CR2: variants seen among roughly 807,000 people sequenced by gnomAD.
CR2 encodes complement receptor type 2.
A neutral mutation model predicts 123.0 loss-of-function variants in CR2; 96 were observed. That is an observed-to-expected ratio of 0.78 (90% CI 0.66 to 0.93). The LOEUF is 0.93. Among genes scored for constraint, CR2 ranks in the 40% least tolerant of loss-of-function variants. The probability of loss-of-function intolerance (pLI) is 0.00; values close to 1 mark genes in which losing one functional copy is unlikely to be tolerated. For missense variants in CR2, 1,258 were observed against 1,361.0 expected (o/e 0.92, Z 1.19); for synonymous variants, 484 against 469.5 (o/e 1.03, Z -0.40).
chr1:207,463,056 T>C (rs1658004982), intron 1 of CR2, among the ~76,000 whole-genome samples: 1 of 152,170 alleles, frequency 6.6e-6, no homozygotes, highest in East Asian at 1.9e-4. Context: ...AGATTTAATA[T>C]AAAACACAAA....
intron 1 of CR2, among the ~76,000 whole-genome samples, chr1:207,459,323 T>TG (rs1055433245): frequency 2.1e-5 from 3 of 143,478 alleles, no homozygotes; most frequent in Non-Finnish European, 3.0e-5. Flanking sequence ...TTTTTGTTGT[T>TG]TTTTTTTTTA....
At chr1:207,481,814 T>C (rs1299783301) in intron 18 of CR2, among the ~76,000 whole-genome samples, 2 of 152,080 alleles carry the variant, frequency 1.3e-5, no homozygotes, top group African/African-American at 2.4e-5. Context: ...TTATAAGTAA[T>C]TGCAAATGAT....
intron 10 of CR2, 22 bp from the exon 11 acceptor site, chr1:207,473,523 T>C: frequency 6.2e-7 from 1 of 1,608,342 alleles, no homozygotes; most frequent in Non-Finnish European, 8.5e-7. Context: ...TTGGTATTTA[T>C]GTAGGGAGTT....
At chr1:207,469,116 C>A in intron 4 of CR2, 34 bp from the exon 5 acceptor site, 1 of 1,583,394 alleles carries the variant, frequency 6.3e-7, no homozygotes, top group South Asian at 1.1e-5. Flanking sequence ...CACAAACTGC[C>A]TAATAGTTCT....
intron 15 of CR2, among the ~76,000 whole-genome samples, 162 bp downstream of exon 15, chr1:207,476,581 TAAGAA>T (rs532096460): frequency 1.3e-5 from 2 of 152,258 alleles, no homozygotes; most frequent in Non-Finnish European, 2.9e-5. Context: ...TATCTCAAAA[TAAGAA>T]AAAATGTCTC....
intron 1 of CR2, among the ~76,000 whole-genome samples, chr1:207,465,675 G>A (rs1378630821): frequency 6.6e-6 from 1 of 152,158 alleles, no homozygotes; most frequent in Non-Finnish European, 1.5e-5. Flanking sequence ...GGAGCCAAAG[G>A]GAAGTTAACT....
intron 10 of CR2, 132 bp downstream of exon 10, chr1:207,473,311 A>G: frequency 8.5e-7 from 1 of 1,173,548 alleles, no homozygotes; most frequent in Non-Finnish European, 1.2e-6. Flanking sequence ...CCATCCTATA[A>G]TAGATGTTCT....
intron 1 of CR2, among the ~76,000 whole-genome samples, chr1:207,456,459 C>G (rs1657837813): frequency 6.6e-6 from 1 of 152,240 alleles, no homozygotes; most frequent in Non-Finnish European, 1.5e-5. Context: ...TTAACAATCA[C>G]TCTAGAAGAT....
At chr1:207,467,066 C>T (rs568585860) in intron 2 of CR2, among the ~76,000 whole-genome samples, 154 bp downstream of exon 2, 99 of 152,204 alleles carry the variant, frequency 6.5e-4, no homozygotes, top group Middle Eastern at 3.4e-3. Flanking sequence ...ATGGCTTCTT[C>T]GTGGAGGCAT....
At position 207,476,331 on chromosome 1, in the gene CR2, C is replaced by A. The variant is rs1211246704; in HGVS notation, c.2814C>A (p.Ser938Arg). The A allele has an allele frequency of 1.2e-6, 2 of 1,614,016 alleles. No individual in the cohort carries two copies. Among genetic ancestry groups the A allele is most frequent in the Non-Finnish European group, 1.7e-6 (2 of 1,179,914 alleles). The change falls in exon 15 of 20, where the codon AGC (serine) becomes AGA (arginine). Residue 938 changes from serine to arginine, a missense_variant. Coordinates refer to ENST00000367057, the MANE Select transcript of CR2 (RefSeq NM_001006658.3). ...RFSPGMSILYSCDQGYLLVGE... is the reference protein window; with the variant it reads ...RFSPGMSILYRCDQGYLLVGE... The stretch of plus-strand genomic sequence containing the variant: ...CTCCTGGAATGTCAATCCTGTACAG[C>A]TGTGACCAAGGCTACCTGCTGGTGG...
In CR2 at chr1:207,471,510, A is replaced by G. The variant is rs1658280137; in HGVS notation, c.1570+11A>G. On this transcript the variant is annotated intron_variant, in intron 9 of 19. Transcript: ENST00000367057. ...TTCGTCTTTGTAAAGGTGAGTAGCA[A>G]AAATGATATAGGAGCTGAAATAATG... The G allele has an allele frequency of 6.4e-7, 1 of 1,572,324 alleles. No homozygotes were observed. Among genetic ancestry groups the G allele is most frequent in the African/African-American group, 1.4e-5 (1 of 74,008 alleles).
intron 13 of CR2, among the ~76,000 whole-genome samples, chr1:207,474,577 A>C (rs1011618938): frequency 6.6e-6 from 1 of 152,232 alleles, no homozygotes; most frequent in Non-Finnish European, 1.5e-5. Context: ...GGTCATGGGA[A>C]CATAGCTGTA....
At chr1:207,476,034 C>A (rs931944544) in intron 14 of CR2, among the ~76,000 whole-genome samples, 200 bp from the exon 15 acceptor site, 1 of 152,154 alleles carries the variant, frequency 6.6e-6, no homozygotes, top group African/African-American at 2.4e-5. Flanking sequence ...TAACACTTTT[C>A]TTCAAATCAT....
rs957664262 is a variant in CR2 at position 207,454,578 on chromosome 1, C to T, written c.58+102C>T. On this transcript the variant is annotated intron_variant, in intron 1 of 19. Coordinates refer to ENST00000367057, the MANE Select transcript of CR2 (RefSeq NM_001006658.3). This position sits in a 1 kb window ranked among gnomAD's most constrained non-coding sequence, Gnocchi z 4.3. ...GGGGCCAAAAGCGAGACGGTGGGGG[C>T]AGTGCTCGACGCGTGTCCGCCTCCC... The T allele has an allele frequency of 7.0e-6, 6 of 862,588 alleles. No homozygotes were observed. The highest frequency in any genetic ancestry group is 1.7e-5 in the African/African-American group (1 of 57,622). 53.4% of individuals were successfully genotyped at this position (862,588 alleles called of 1,614,324 possible). A position where few individuals can be genotyped will look rare whatever the true frequency, so the allele number is the denominator to read the frequency against.
At chr1:207,471,329 G>A (rs773232784) in intron 8 of CR2, 94 bp from the exon 9 acceptor site, 60 of 1,037,292 alleles carry the variant, frequency 5.8e-5, no homozygotes, top group Non-Finnish European at 8.7e-5. Flanking sequence ...ATTGCTTCTT[G>A]GCCTGAAAGT....
chr1:207,454,576 G>A lies in CR2; in HGVS notation c.58+100G>A. 1 of 907,574 alleles carries A rather than the reference G, an allele frequency of 1.1e-6. No individual in the cohort carries two copies. The highest frequency in any genetic ancestry group is 1.6e-6 in the Non-Finnish European group (1 of 613,918). 56.2% of individuals were successfully genotyped at this position (907,574 alleles called of 1,614,324 possible). A position where few individuals can be genotyped will look rare whatever the true frequency, so the allele number is the denominator to read the frequency against. ...AGGGGGCCAAAAGCGAGACGGTGGGGGCAGTGCTCGACGCGTGTCCGCCTC... is the reference window on the plus strand; with the variant it reads ...AGGGGGCCAAAAGCGAGACGGTGGGAGCAGTGCTCGACGCGTGTCCGCCTC... On this transcript the variant is annotated intron_variant, in intron 1 of 19. Coordinates refer to ENST00000367057, the MANE Select transcript of CR2 (RefSeq NM_001006658.3). The surrounding 1 kb of genome is among the most constrained non-coding windows in gnomAD (Gnocchi z 4.3).
chr1:207,470,726 G>T lies in CR2; in HGVS notation c.1226-14G>T, dbSNP rs761039132. Reference sequence around the variant, plus strand: ...ACTTAAGCAGTTATGTTTTGTTTTTGTCCTTTCATTTAGAATGCCAGGCCC... The same window carrying T: ...ACTTAAGCAGTTATGTTTTGTTTTTTTCCTTTCATTTAGAATGCCAGGCCC... On this transcript the variant is annotated splice_polypyrimidine_tract_variant and intron_variant, in intron 6 of 19. Coordinates refer to ENST00000367057, the MANE Select transcript of CR2 (RefSeq NM_001006658.3). 2 of 1,613,294 alleles carry T rather than the reference G, an allele frequency of 1.2e-6. No homozygotes were observed. Among genetic ancestry groups the T allele is most frequent in the Non-Finnish European group, 1.7e-6 (2 of 1,179,542 alleles).
At chr1:207,466,238 A>C (rs1030974811) in intron 1 of CR2, among the ~76,000 whole-genome samples, 1 of 152,102 alleles carries the variant, frequency 6.6e-6, no homozygotes, top group African/African-American at 2.4e-5. Flanking sequence ...CATGTGCTGA[A>C]TTTGCCTTTT....
Position 207,474,828 on chromosome 1 carries a change from T to A in CR2, c.2328T>A (p.Ile776=), listed in dbSNP as rs61735651. The A allele has an allele frequency of 1.7e-5, 28 of 1,613,924 alleles. No homozygotes were observed. Among genetic ancestry groups the A allele is most frequent in the African/African-American group, 2.7e-5 (2 of 75,008 alleles). The change falls in exon 14 of 20, where the codon ATT becomes ATA. Residue 776 remains isoleucine (I), a synonymous_variant. Coordinates refer to ENST00000367057, the MANE Select transcript of CR2 (RefSeq NM_001006658.3). ...CTCCCTAAATCTCTTCTGCAGTTAT[T>A]CACTGTCACCCTCCACCAGTGATTG... The part of the protein sequence containing the change: ...WFKKIPLCKV[I]HCHPPPVIVN...
Sources: allele counts gnomAD v4.1 joint callset (sites outside exome capture counted in the v4.1 genomes callset), GRCh38; gene constraint gnomAD v4.1.1; non-coding constraint Gnocchi (gnomAD v3.1); transcripts MANE v1.5; gene names NCBI Gene and HGNC (gene_info 2026-07-23, HGNC 2026-07-21).